KCNIP4: variants seen among roughly 807,000 people sequenced by gnomAD.
KCNIP4 encodes the protein potassium voltage-gated channel interacting protein 4.
In KCNIP4, 12 loss-of-function variants were observed where a neutral mutation model predicts 34.0. That is an observed-to-expected ratio of 0.35 (90% CI 0.23 to 0.57). The LOEUF (loss-of-function observed/expected upper bound fraction) is 0.57. KCNIP4 is among the 20% of genes least tolerant of loss of function. KCNIP4 has a pLI of 0.83. For missense variants in KCNIP4, 238 were observed against 311.7 expected, an observed-to-expected ratio of 0.76 and a Z score of 1.78; for synonymous variants, 124 against 102.2, an observed-to-expected ratio of 1.21 and a Z score of -1.29.
intron 1 of KCNIP4, among the ~76,000 whole-genome samples, chr4:21,548,279 A>G (rs1448240861): frequency 2.6e-5 from 4 of 152,120 alleles, no homozygotes; most frequent in African/African-American, 9.7e-5. Context: ...AACTTGTAGT[A>G]CATTTAATTT....
At chr4:21,197,414 C>T (rs891861870) in intron 1 of KCNIP4, among the ~76,000 whole-genome samples, 1 of 152,158 alleles carries the variant, frequency 6.6e-6, no homozygotes, top group African/African-American at 2.4e-5. Context: ...GTCTTCAATA[C>T]AGCACGTTGG....
intron 1 of KCNIP4, among the ~76,000 whole-genome samples, chr4:21,886,028 G>A (rs1726745105): frequency 6.6e-6 from 1 of 152,002 alleles, no homozygotes; most frequent in Non-Finnish European, 1.5e-5. Context: ...AAGGCTTGTG[G>A]ATTATTTTTT....
chr4:21,691,685 G>A (rs1711650250), intron 1 of KCNIP4, among the ~76,000 whole-genome samples: 1 of 140,498 alleles, frequency 7.1e-6, no homozygotes, highest in African/African-American at 2.7e-5. Flanking sequence ...AGGGGCAAAC[G>A]CAGCTCTTTT....
chr4:21,235,870 C>G (rs1759319986), intron 1 of KCNIP4, among the ~76,000 whole-genome samples: 1 of 152,122 alleles, frequency 6.6e-6, no homozygotes, highest in Non-Finnish European at 1.5e-5. Flanking sequence ...AGTACTGCTT[C>G]TAGGAGAAGG....
rs202202668 is a variant in KCNIP4, at chr4:21,822,605, C to T, written c.61+125966G>A. Reference sequence around the variant, plus strand: ...GGATTACAATGAAGGGATTATAAAGCGGTAGAGATTATTTGCCCAGCAGAT... The same window carrying T: ...GGATTACAATGAAGGGATTATAAAGTGGTAGAGATTATTTGCCCAGCAGAT... On this transcript the variant is annotated intron_variant, in intron 1 of 8. Transcript: ENST00000382152. Among the ~76,000 whole-genome samples the T allele has an allele frequency of 1.3e-4, 19 of 151,634 alleles. No individual in the cohort carries two copies. In the East Asian group the frequency reaches 2.3e-3, roughly 19 times the overall value.
intron 1 of KCNIP4, among the ~76,000 whole-genome samples, chr4:21,169,660 TTGTGTGTGTGTGTG>T (rs58544791): frequency 0.017 from 2,328 of 136,264 alleles, 56 homozygotes; most frequent in African/African-American, 0.06. Context: ...TACTTTATAT[TTGTGTGTGTGTGTG>T]TGTGTGTGTG....
At chr4:21,716,574 C>T (rs892987925) in intron 1 of KCNIP4, among the ~76,000 whole-genome samples, 12 of 152,132 alleles carry the variant, frequency 7.9e-5, no homozygotes, top group South Asian at 2.1e-4. Flanking sequence ...GAGGCAGAAA[C>T]GGCTAGTTCC....
intron 1 of KCNIP4, among the ~76,000 whole-genome samples, chr4:21,188,061 T>C (rs1240449581): frequency 6.6e-6 from 1 of 152,224 alleles, no homozygotes; most frequent in Non-Finnish European, 1.5e-5. Flanking sequence ...ACAAATCATG[T>C]AGCACATAGT....
At chr4:20,815,310 T>C (rs1016763849) in intron 3 of KCNIP4, among the ~76,000 whole-genome samples, 12 of 152,156 alleles carry the variant, frequency 7.9e-5, no homozygotes, top group African/African-American at 2.2e-4. Context: ...ACCATAATTA[T>C]AGAGCACAGT....
chr4:21,848,954 G>GTGTGTGCA (rs1451894860), intron 1 of KCNIP4: 2 of 70,604 alleles, frequency 2.8e-5, no homozygotes, highest in East Asian at 4.6e-4. Flanking sequence ...ATATGTGTGT[G>GTGTGTGCA]TGTGTGTGTG....
chr4:20,834,529 G>A (rs1718812369), intron 3 of KCNIP4, among the ~76,000 whole-genome samples: 1 of 152,202 alleles, frequency 6.6e-6, no homozygotes, highest in African/African-American at 2.4e-5. Context: ...GATTAGGGGA[G>A]ATGATGTTTA....
At chr4:21,457,549 T>C (rs1217446097) in intron 1 of KCNIP4, among the ~76,000 whole-genome samples, 5 of 152,086 alleles carry the variant, frequency 3.3e-5, no homozygotes, top group Admixed American at 2.0e-4. Flanking sequence ...GCTCTTCTGG[T>C]ATTGGGGAGT....
chr4:21,846,670 AG>A (rs1301538168), intron 1 of KCNIP4: 2 of 152,120 alleles, frequency 1.3e-5, no homozygotes, highest in Non-Finnish European at 2.9e-5. Flanking sequence ...TACTAGCTTG[AG>A]GATTTATTTG....
chr4:20,815,722 A>G (rs1209621364), intron 3 of KCNIP4, among the ~76,000 whole-genome samples: 1 of 152,200 alleles, frequency 6.6e-6, no homozygotes, highest in Non-Finnish European at 1.5e-5. Context: ...GAAGATATAT[A>G]TTATCAATAT....
chr4:21,438,190 G>A (rs766121175), intron 1 of KCNIP4, among the ~76,000 whole-genome samples: 9 of 152,076 alleles, frequency 5.9e-5, no homozygotes, highest in Non-Finnish European at 1.2e-4. Context: ...CTCAAAGTTC[G>A]AATGAGGCCC....
chr4:20,931,902 G>A (rs541578885), intron 1 of KCNIP4, among the ~76,000 whole-genome samples: 21 of 146,838 alleles, frequency 1.4e-4, no homozygotes, highest in Non-Finnish European at 2.7e-4. Flanking sequence ...TAATATTGTA[G>A]ACTATAATAG....
intron 1 of KCNIP4, among the ~76,000 whole-genome samples, chr4:21,824,205 A>ATT (rs1273048399): frequency 6.6e-6 from 1 of 152,148 alleles, no homozygotes; most frequent in Non-Finnish European, 1.5e-5. Flanking sequence ...TAATGTTGGG[A>ATT]GAAACTTGGT....
rs562181684 is a variant in KCNIP4, at chr4:21,120,165, T to C, written c.62-237456A>G. Among the ~76,000 whole-genome samples the C allele has an allele frequency of 3.9e-5, 6 of 151,900 alleles. No homozygotes were observed. In the East Asian group the frequency reaches 1.2e-3, roughly 29 times the overall value. On this transcript the variant is annotated intron_variant, in intron 1 of 8. Coordinates refer to ENST00000382152, the MANE Select transcript of KCNIP4 (RefSeq NM_025221.6). ...TGCTGAGGAGCCTTGGAGGCCAGTG[T>C]CCATTCATAAGAGCCTAAAGTCCTT...
chr4:20,982,781 A>G (rs917943233), intron 1 of KCNIP4, among the ~76,000 whole-genome samples: 3 of 152,210 alleles, frequency 2.0e-5, no homozygotes, highest in African/African-American at 7.2e-5. Context: ...CTTAGCTCCT[A>G]TAGTTAGAAA....
Sources: gnomAD v4.1 joint callset for allele counts (sites outside exome capture counted in the v4.1 genomes callset) on GRCh38, gnomAD v4.1.1 for gene constraint, MANE v1.5 for transcripts, NCBI Gene and HGNC (gene_info 2026-07-23, HGNC 2026-07-21) for gene names.